Variants in KNDC1 observed in about 807,000 individuals in gnomAD.
KNDC1 encodes kinase non-catalytic C-lobe domain containing 1.
KNDC1 carries 106 observed loss-of-function variants against 172.8 expected under a neutral mutation model. The ratio of observed to expected loss-of-function variants is 0.61; its 90% confidence interval spans 0.52 to 0.72. The LOEUF is 0.72. Ranked by LOEUF, KNDC1 falls within the 30% of genes least tolerant of loss-of-function variation. The pLI is 0.00. For synonymous variants in KNDC1, 1,083 were observed against 1,062.2 expected (o/e 1.02, Z -0.38); for missense variants, 2,325 against 2,394.5 (o/e 0.97, Z 0.61).
chr10:133,217,121 G>A (rs1028766285), intron 26 of KNDC1, among the ~76,000 whole-genome samples: 4 of 152,266 alleles, frequency 2.6e-5, no homozygotes, highest in African/African-American at 4.8e-5. Context: ...TAGTTAACAC[G>A]GCTGAACCGT....
chr10:133,212,616 G>A, intron 23 of KNDC1, 100 bp from the exon 24 acceptor site: 1 of 967,768 alleles, frequency 1.0e-6, no homozygotes, highest in Non-Finnish European at 1.5e-6. Context: ...TACTGGGCTT[G>A]CACCTGGCCT....
intron 5 of KNDC1, 121 bp downstream of exon 5, chr10:133,184,110 CTGCACACACACCCA>C (rs903772057): frequency 2.4e-5 from 13 of 550,918 alleles, no homozygotes; most frequent in Non-Finnish European, 3.5e-5. Context: ...CACACCCATA[CTGCACACACACCCA>C]TGCACACACA....
chr10:133,210,096 T>C (rs9419027), intron 20 of KNDC1, among the ~76,000 whole-genome samples: 58,915 of 151,972 alleles, frequency 0.39, 12,432 homozygotes, highest in East Asian at 0.62. Context: ...AGAAAGGCCC[T>C]GGTGTTCAGC....
chr10:133,219,115 C>T lies in KNDC1; in HGVS notation c.4860+25C>T, dbSNP rs373749755. 1.3e-4 allele frequency: 202 copies of T among 1,608,242 alleles called. 1 individual carries two copies. The highest frequency in any genetic ancestry group is 1.2e-3 in the South Asian group (107 of 90,326). ...GGTACCAGCACTTTACGTGGCCGGG[C>T]GGCTTTGGTCCCCCGAGGCCCTCTC... On this transcript the variant is annotated intron_variant, in intron 28 of 29. Coordinates refer to ENST00000304613, the MANE Select transcript of KNDC1 (RefSeq NM_152643.8).
At chr10:133,204,171 T>C (rs367835579) in intron 17 of KNDC1, among the ~76,000 whole-genome samples, 2 of 152,130 alleles carry the variant, frequency 1.3e-5, no homozygotes, top group African/African-American at 4.8e-5. Flanking sequence ...CAGGACCAGG[T>C]GCCCCGGCAG....
At position 133,160,517 on chromosome 10, in the gene KNDC1, A is replaced by G. The variant is rs748173288; in HGVS notation, c.50A>G (p.Lys17Arg). 4 of 1,591,830 alleles carry G rather than the reference A, an allele frequency of 2.5e-6. No homozygotes were observed. The South Asian group carries it at 4.5e-5, about 18-fold the overall frequency. ...AAADLYEEDGKDLDFYDFEPL... is the reference protein window; with the variant it reads ...AAADLYEEDGRDLDFYDFEPL... ...GCGGATCTTTACGAGGAGGACGGCAAAGACCTGGACTTCTACGACTTCGAG... is the reference window on the plus strand; with the variant it reads ...GCGGATCTTTACGAGGAGGACGGCAGAGACCTGGACTTCTACGACTTCGAG... Residue 17 changes from lysine to arginine, a missense_variant, in exon 1 of 30, where the codon AAA (lysine) becomes AGA (arginine). Coordinates refer to ENST00000304613, the MANE Select transcript of KNDC1 (RefSeq NM_152643.8).
intron 3 of KNDC1, among the ~76,000 whole-genome samples, chr10:133,169,941 G>A (rs28609377): frequency 0.012 from 1,877 of 152,284 alleles, 50 homozygotes; most frequent in African/African-American, 0.041. Context: ...TTTTTATCCC[G>A]CGTTGCACGT....
At chr10:133,176,262 G>T (rs1317056423) in intron 3 of KNDC1, among the ~76,000 whole-genome samples, 2 of 151,230 alleles carry the variant, frequency 1.3e-5, no homozygotes, top group Non-Finnish European at 3.0e-5. Context: ...TACATAGGCG[G>T]ATGGATGCAT....
chr10:133,168,242 C>T lies in KNDC1; in HGVS notation c.302-12C>T. 6.2e-7 allele frequency: 1 copy of T among 1,613,630 alleles called. No homozygotes were observed. The highest frequency in any genetic ancestry group is 1.6e-4 in the Middle Eastern group (1 of 6,062). On this transcript the variant is annotated splice_polypyrimidine_tract_variant and intron_variant, in intron 2 of 29. Transcript: ENST00000304613. ...CCAGAAGCCTTCTCTCCTTCTCTCT[C>T]TCCTCCCCAAGACGACCCTGAGGGT...
At chr10:133,175,646 G>C (rs1853514129) in intron 3 of KNDC1, among the ~76,000 whole-genome samples, 1 of 150,004 alleles carries the variant, frequency 6.7e-6, no homozygotes, top group Non-Finnish European at 1.5e-5. Flanking sequence ...TGTATGAATT[G>C]ATGGGTGGAT....
chr10:133,200,807 C>T (rs1317850987), intron 16 of KNDC1, among the ~76,000 whole-genome samples: 1 of 152,176 alleles, frequency 6.6e-6, no homozygotes, highest in African/African-American at 2.4e-5. Context: ...AGGTGGGATC[C>T]GCTCTCCAAG....
intron 29 of KNDC1, among the ~76,000 whole-genome samples, chr10:133,222,932 C>T (rs1194341488): frequency 9.3e-4 from 3 of 3,210 alleles, no homozygotes; most frequent in Admixed American, 4.6e-3. Flanking sequence ...CTCTTCCCGG[C>T]GTGTGTGTGT....
chr10:133,166,693 T>C (rs781437892), intron 1 of KNDC1, among the ~76,000 whole-genome samples: 30 of 151,920 alleles, frequency 2.0e-4, no homozygotes, highest in Non-Finnish European at 3.7e-4. Context: ...TGGGGATGCG[T>C]GTGTCTGTGT....
At chr10:133,203,533 G>C (rs1405198836) in intron 17 of KNDC1, among the ~76,000 whole-genome samples, 1 of 152,272 alleles carries the variant, frequency 6.6e-6, no homozygotes, top group Non-Finnish European at 1.5e-5. Context: ...GGCGGCTGGA[G>C]CAGCCGGTGG....
intron 3 of KNDC1, among the ~76,000 whole-genome samples, chr10:133,169,740 G>A (rs753487886): frequency 6.2e-4 from 94 of 152,144 alleles, no homozygotes; most frequent in Admixed American, 1.0e-3. Context: ...TGAACGCAGC[G>A]CATGGCCTGG....
chr10:133,213,602 A>C, intron 24 of KNDC1, 43 bp from the exon 25 acceptor site: 3 of 1,569,452 alleles, frequency 1.9e-6, no homozygotes, highest in South Asian at 1.1e-5. Context: ...ACAAGGCCCT[A>C]AGGGATGGAA....
intron 10 of KNDC1, among the ~76,000 whole-genome samples, chr10:133,196,469 G>A (rs10857684): frequency 0.26 from 40,262 of 152,036 alleles, 5,970 homozygotes; most frequent in Middle Eastern, 0.35. Context: ...GGGAGGAGCC[G>A]TGTCTGGGGG....
chr10:133,168,909 A>G (rs991540306), intron 3 of KNDC1, among the ~76,000 whole-genome samples: 1 of 152,214 alleles, frequency 6.6e-6, no homozygotes, highest in Non-Finnish European at 1.5e-5. Flanking sequence ...GGGCAACGGC[A>G]GCCCAGCGCC....
Position 133,214,128 on chromosome 10 carries a change from C to T in KNDC1, c.4677+6C>T. The T allele has an allele frequency of 6.2e-7, 1 of 1,613,688 alleles. No individual in the cohort carries two copies. The highest frequency in any genetic ancestry group is 8.5e-7 in the Non-Finnish European group (1 of 1,179,922). On this transcript the variant is annotated splice_donor_region_variant and intron_variant, in intron 26 of 29. Coordinates refer to ENST00000304613, the MANE Select transcript of KNDC1 (RefSeq NM_152643.8). ...TGACCAGCCACACCTCCAAGGTGGG[C>T]ACCCTACAGTTCCGAGGCCAACACG...
Sources: allele counts gnomAD v4.1 joint callset (sites outside exome capture counted in the v4.1 genomes callset), GRCh38; gene constraint gnomAD v4.1.1; transcripts MANE v1.5; gene names NCBI Gene and HGNC (gene_info 2026-07-23, HGNC 2026-07-21).